SLC24A2: variants seen among roughly 807,000 people sequenced by gnomAD.
SLC24A2 encodes solute carrier family 24 member 2, also known as sodium/potassium/calcium exchanger 2.
Under a neutral mutation model 62.0 loss-of-function variants are expected in SLC24A2, and 36 were observed. That is an observed-to-expected ratio of 0.58 (90% CI 0.44 to 0.77). SLC24A2 has a LOEUF of 0.77. Among genes scored for constraint, SLC24A2 ranks in the 30% least tolerant of loss-of-function variants. SLC24A2 has a pLI of 0.00. For synonymous variants in SLC24A2, 358 were observed against 294.0 expected, an observed-to-expected ratio of 1.22 and a Z score of -2.23; for missense variants, 846 against 817.9, an observed-to-expected ratio of 1.03 and a Z score of -0.42.
the SLC24A2 span, among the ~76,000 whole-genome samples, chr9:19,914,988 A>G: frequency 6.6e-6 from 1 of 152,150 alleles, no homozygotes; most frequent in Non-Finnish European, 1.5e-5. Context: ...GCCATTTTAA[A>G]GTGTGCAATC....
At chr9:20,251,540 A>G in the SLC24A2 span, among the ~76,000 whole-genome samples, 1 of 152,152 alleles carries the variant, frequency 6.6e-6, no homozygotes, top group Non-Finnish European at 1.5e-5. Flanking sequence ...ATCACTTTTT[A>G]ATAGGGAGGA....
intron 4 of SLC24A2, among the ~76,000 whole-genome samples, chr9:19,603,165 T>G (rs557730731): frequency 1.3e-5 from 2 of 151,702 alleles, no homozygotes; most frequent in South Asian, 4.2e-4. Context: ...TGTTCTTAAT[T>G]TTTTGTGGGG....
chr9:20,018,839 G>A, the SLC24A2 span, among the ~76,000 whole-genome samples: 7 of 152,026 alleles, frequency 4.6e-5, no homozygotes, highest in African/African-American at 1.7e-4. Flanking sequence ...CAAGACTGGA[G>A]GATTGCTTGA....
chr9:20,168,518 T>C, the SLC24A2 span, among the ~76,000 whole-genome samples: 11 of 151,940 alleles, frequency 7.2e-5, no homozygotes, highest in Admixed American at 2.0e-4. Flanking sequence ...AAAAAGGAAG[T>C]AATCCAATTC....
the SLC24A2 span, among the ~76,000 whole-genome samples, chr9:20,258,522 C>T: frequency 6.6e-6 from 1 of 152,212 alleles, no homozygotes; most frequent in Non-Finnish European, 1.5e-5. Flanking sequence ...CCTGCTGTCT[C>T]TTCTGGAACC....
chr9:19,805,827 C>T, the SLC24A2 span, among the ~76,000 whole-genome samples: 3 of 138,172 alleles, frequency 2.2e-5, no homozygotes, highest in South Asian at 2.3e-4. Context: ...TTTCATGGGT[C>T]TGAGTTTTAA....
At chr9:20,175,493 T>C in the SLC24A2 span, among the ~76,000 whole-genome samples, 27 of 152,212 alleles carry the variant, frequency 1.8e-4, no homozygotes, top group African/African-American at 4.6e-4. Flanking sequence ...ATAGTTAAAA[T>C]GATAAATATT....
the SLC24A2 span, among the ~76,000 whole-genome samples, chr9:20,013,844 T>C: frequency 6.6e-6 from 1 of 152,264 alleles, no homozygotes; most frequent in Middle Eastern, 3.4e-3. Flanking sequence ...GTATCGCTAA[T>C]CATAAGGGAA....
the SLC24A2 span, among the ~76,000 whole-genome samples, chr9:20,124,464 G>T: frequency 6.6e-6 from 1 of 152,096 alleles, no homozygotes; most frequent in East Asian, 1.9e-4. Flanking sequence ...GAAATTTAAT[G>T]AAAACAAATT....
At chr9:19,830,894 G>A in the SLC24A2 span, among the ~76,000 whole-genome samples, 2 of 152,244 alleles carry the variant, frequency 1.3e-5, no homozygotes, top group East Asian at 3.9e-4. Flanking sequence ...TCACAGTTCT[G>A]GGGGCTGGAA....
intron 2 of SLC24A2, among the ~76,000 whole-genome samples, chr9:19,705,126 T>G (rs1820473611): frequency 6.6e-6 from 1 of 152,338 alleles, no homozygotes; most frequent in Admixed American, 6.5e-5. Flanking sequence ...AGGATTCAGA[T>G]TCCAGCTTCA....
chr9:19,573,720 C>T (rs112554733), intron 6 of SLC24A2, among the ~76,000 whole-genome samples: 19 of 152,118 alleles, frequency 1.2e-4, no homozygotes, highest in Non-Finnish European at 1.8e-4. Flanking sequence ...TTTCAGTATA[C>T]GGCCTGCCCC....
At chr9:19,788,179 A>C (rs901972079) in intron 1 of SLC24A2, among the ~76,000 whole-genome samples, 1 of 152,224 alleles carries the variant, frequency 6.6e-6, no homozygotes, top group African/African-American at 2.4e-5. Flanking sequence ...CAAGAGCACA[A>C]ATCAACCCCG....
chr9:19,576,266 G>A (rs1836006359), intron 6 of SLC24A2, among the ~76,000 whole-genome samples: 1 of 152,206 alleles, frequency 6.6e-6, no homozygotes, highest in African/African-American at 2.4e-5. Context: ...TTTAGAATAA[G>A]AGAGCTATAT....
At chr9:19,825,424 C>T in the SLC24A2 span, among the ~76,000 whole-genome samples, 2 of 152,122 alleles carry the variant, frequency 1.3e-5, no homozygotes, top group Non-Finnish European at 2.9e-5. Context: ...CTTATATCTA[C>T]TCTGGGGAAA....
the SLC24A2 span, among the ~76,000 whole-genome samples, chr9:19,947,942 G>A: frequency 2.0e-5 from 3 of 152,002 alleles, no homozygotes; most frequent in Admixed American, 1.3e-4. Flanking sequence ...TTGGTGCCAG[G>A]CCACAGCAAT....
At chr9:20,161,551 G>T in the SLC24A2 span, among the ~76,000 whole-genome samples, 1 of 151,194 alleles carries the variant, frequency 6.6e-6, no homozygotes, top group Non-Finnish European at 1.5e-5. Context: ...TTATCTAAGG[G>T]ATGAAAGGAT....
At chr9:19,765,596 CT>C (rs1822490086) in intron 2 of SLC24A2, among the ~76,000 whole-genome samples, 1 of 152,140 alleles carries the variant, frequency 6.6e-6, no homozygotes, top group Non-Finnish European at 1.5e-5. Context: ...GTTGATAATT[CT>C]TTTCTTTAAG....
the SLC24A2 span, among the ~76,000 whole-genome samples, chr9:19,877,421 T>G: frequency 6.8e-6 from 1 of 147,464 alleles, no homozygotes; most frequent in Non-Finnish European, 1.5e-5. Context: ...CTGACCATTT[T>G]CATAACCAAT....
Sources: gnomAD v4.1 joint callset for allele counts (sites outside exome capture counted in the v4.1 genomes callset) on GRCh38, gnomAD v4.1.1 for gene constraint, MANE v1.5 for transcripts, NCBI Gene and HGNC (gene_info 2026-07-23, HGNC 2026-07-21) for gene names.